EIF5A: variants seen among roughly 807,000 people sequenced by gnomAD.
EIF5A encodes eukaryotic translation initiation factor 5A.
EIF5A carries 1 observed loss-of-function variant against 16.6 expected under a neutral mutation model. The ratio of observed to expected loss-of-function variants is 0.06; its 90% CI spans 0.02 to 0.28. The LOEUF (loss-of-function observed/expected upper bound fraction) is 0.28, where lower values mean the gene tolerates loss of function less well. EIF5A is among the 10% of genes least tolerant of loss of function. EIF5A has a pLI of 1.00. For missense variants in EIF5A, 29 were observed against 196.1 expected (o/e 0.15, Z 5.09); for synonymous variants, 80 against 73.6 (o/e 1.09, Z -0.44).
chr17:7,310,927 T>C (rs1013483308), intron 2 of EIF5A, 91 bp from the exon 3 acceptor site: 7 of 1,486,186 alleles, frequency 4.7e-6, no homozygotes, highest in Non-Finnish European at 6.3e-6. Flanking sequence ...AATGTAATTC[T>C]GACTTCCCTC....
At chr17:7,308,422 AG>A (rs2072701318) in intron 1 of EIF5A, 1 of 1,299,770 alleles carries the variant, frequency 7.7e-7, no homozygotes, top group African/African-American at 1.5e-5. Flanking sequence ...GGGGGTTCCG[AG>A]GGGGCCTGAG....
Position 7,312,284 on chromosome 17 carries a change from TC to T in EIF5A, c.*478del, listed in dbSNP as rs1411888811. 1 of 185,224 alleles carries T rather than the reference TC, an allele frequency of 5.4e-6. No individual in the cohort carries two copies. The highest frequency in any genetic ancestry group is 1.3e-5 in the Non-Finnish European group (1 of 78,800). The allele number at this position is 185,224 out of a possible 1,614,324, so 11.5% of individuals were successfully genotyped here. A position where few individuals can be genotyped will look rare whatever the true frequency, so the allele number is the denominator to read the frequency against. On this transcript the variant is annotated 3_prime_UTR_variant, in exon 6 of 6. Coordinates refer to ENST00000336458, the MANE Select transcript of EIF5A (RefSeq NM_001970.5). ...CAGCCCCCTCGCCTGCCTGTGTCTC[TC>T]CCCAAACCCCTTTAGATGGGGAGGG...
upstream of EIF5A, chr17:7,307,582 G>A: frequency 2.0e-6 from 2 of 1,006,182 alleles, no homozygotes; most frequent in Non-Finnish European, 2.4e-6. Flanking sequence ...CGCTTGCGCG[G>A]CTGTCATAGG....
At chr17:7,308,406 C>T (rs2072700342) in intron 1 of EIF5A, 3 of 1,266,792 alleles carry the variant, frequency 2.4e-6, no homozygotes, top group Non-Finnish European at 3.1e-6. Flanking sequence ...GGGAGCTAGT[C>T]CTCGCGGGGG....
chr17:7,309,178 A>ACCC (rs1289193080), intron 1 of EIF5A, among the ~76,000 whole-genome samples: 10 of 119,670 alleles, frequency 8.4e-5, no homozygotes, highest in South Asian at 2.9e-4. Flanking sequence ...TCCGGTCTCC[A>ACCC]CCCTCCCCCC....
chr17:7,310,327 C>A (rs1413411679), intron 2 of EIF5A: 2 of 1,255,904 alleles, frequency 1.6e-6, no homozygotes, highest in African/African-American at 1.6e-5. Flanking sequence ...ATCCCACTCT[C>A]CTTGGGTTCC....
intron 1 of EIF5A, chr17:7,308,645 C>T: frequency 2.3e-6 from 3 of 1,304,616 alleles, no homozygotes; most frequent in Non-Finnish European, 3.0e-6. Flanking sequence ...AGGAGCCCAA[C>T]TTTTCTGTCG....
chr17:7,309,813 C>G lies in EIF5A; in HGVS notation c.165+13C>G. ...CGGCCACGCCAAGGTTAGAATTTCA[C>G]CTCCGCATCTTGCCTTCCCCATGCC... On this transcript the variant is annotated intron_variant, in intron 2 of 5. Coordinates refer to ENST00000336458, the MANE Select transcript of EIF5A (RefSeq NM_001970.5). 2.5e-6 allele frequency: 4 copies of G among 1,614,260 alleles called. No homozygotes were observed. Among genetic ancestry groups the G allele is most frequent in the Non-Finnish European group, 3.4e-6 (4 of 1,180,048 alleles).
At chr17:7,310,098 C>A (rs2072771610) in intron 2 of EIF5A, 1 of 1,380,598 alleles carries the variant, frequency 7.2e-7, no homozygotes, top group Non-Finnish European at 9.5e-7. Context: ...TTCAGTTGCT[C>A]CTTCCTTATT....
upstream of EIF5A, chr17:7,307,023 G>A: frequency 6.4e-7 from 1 of 1,574,666 alleles, no homozygotes; most frequent in Non-Finnish European, 8.6e-7. Flanking sequence ...CTAGAAGAGT[G>A]GGGCGGAAAG....
chr17:7,308,387 C>T (rs1011195457), intron 1 of EIF5A: 29 of 1,223,526 alleles, frequency 2.4e-5, no homozygotes, highest in South Asian at 1.9e-4. Flanking sequence ...GCCGGCAGCC[C>T]CTAGCGCGGG....
chr17:7,310,008 C>G (rs568687614), intron 2 of EIF5A: 2 of 1,521,650 alleles, frequency 1.3e-6, no homozygotes, highest in East Asian at 2.5e-5. Flanking sequence ...CTTCTGTCCC[C>G]GCATCATTCT....
At chr17:7,311,314 C>T (rs189082554) in intron 3 of EIF5A, 36 bp from the exon 4 acceptor site, 3 of 1,613,676 alleles carry the variant, frequency 1.9e-6, no homozygotes, top group East Asian at 2.2e-5. Flanking sequence ...CTCCCTGGGC[C>T]TACTACCTTC....
Position 7,312,170 on chromosome 17 carries a change from G to A in EIF5A, c.*360G>A, listed in dbSNP as rs970660635. On this transcript the variant is annotated 3_prime_UTR_variant, in exon 6 of 6. Coordinates refer to ENST00000336458, the MANE Select transcript of EIF5A (RefSeq NM_001970.5). ...CAGAAAGCGGTGGATTCTGGCAAATGGTCCTTGTGCCCTCCCCACTCATCC... is the reference window on the plus strand; with the variant it reads ...CAGAAAGCGGTGGATTCTGGCAAATAGTCCTTGTGCCCTCCCCACTCATCC... 4 of 163,238 alleles carry A rather than the reference G, an allele frequency of 2.5e-5. No homozygotes were observed. Among genetic ancestry groups the A allele is most frequent in the Non-Finnish European group, 1.4e-5 (1 of 70,962 alleles). The allele number at this position is 163,238 out of a possible 1,614,324, so 10.1% of individuals were successfully genotyped here. A position where few individuals can be genotyped will look rare whatever the true frequency, so the allele number is the denominator to read the frequency against.
At chr17:7,310,969 C>A (rs1415195677) in intron 2 of EIF5A, 49 bp from the exon 3 acceptor site, 7 of 1,566,422 alleles carry the variant, frequency 4.5e-6, no homozygotes, top group Non-Finnish European at 6.1e-6. Context: ...CCTTTATTTC[C>A]TCCGTTTTAG....
At chr17:7,310,971 C>A (rs1200258694) in intron 2 of EIF5A, 47 bp from the exon 3 acceptor site, 2 of 1,570,178 alleles carry the variant, frequency 1.3e-6, no homozygotes, top group Non-Finnish European at 1.7e-6. Flanking sequence ...TTTATTTCCT[C>A]CGTTTTAGAG....
rs1236828729 is a variant in EIF5A at position 7,307,649 on chromosome 17, AGCGGCGGCGGCGGTAGAG to A, written c.-111_-94del. Reference sequence around the variant, plus strand: ...CTGCGTACTAAGACCCGTGTGCAGCAGCGGCGGCGGCGGTAGAGGCGGCGGCGGCGGCGGCAGCGGGCT... The same window carrying A: ...CTGCGTACTAAGACCCGTGTGCAGCAGCGGCGGCGGCGGCGGCAGCGGGCT... On this transcript the variant is annotated 5_prime_UTR_variant, in exon 1 of 6. Coordinates refer to ENST00000336458, the MANE Select transcript of EIF5A (RefSeq NM_001970.5). 67 of 1,050,698 alleles carry A rather than the reference AGCGGCGGCGGCGGTAGAG, an allele frequency of 6.4e-5. No individual in the cohort carries two copies. In the South Asian group the frequency reaches 1.2e-3, roughly 18 times the overall value. 65.1% of individuals were successfully genotyped at this position (1,050,698 alleles called of 1,614,324 possible). A position where few individuals can be genotyped will look rare whatever the true frequency, so the allele number is the denominator to read the frequency against.
At chr17:7,311,250 A>G in intron 3 of EIF5A, 100 bp from the exon 4 acceptor site, 1 of 1,593,014 alleles carries the variant, frequency 6.3e-7, no homozygotes, top group South Asian at 1.1e-5. Context: ...GGTGTTTGGT[A>G]TTAGTTTGCT....
rs1446545894 is a variant in EIF5A, at chr17:7,307,667, G to A, written c.-107G>A. 3.9e-6 allele frequency: 4 copies of A among 1,037,418 alleles called. No individual in the cohort carries two copies. The highest frequency in any genetic ancestry group is 3.5e-5 in the African/African-American group (2 of 56,942). 64.3% of individuals were successfully genotyped at this position (1,037,418 alleles called of 1,614,324 possible). A position where few individuals can be genotyped will look rare whatever the true frequency, so the allele number is the denominator to read the frequency against. ...GTGCAGCAGCGGCGGCGGCGGTAGA[G>A]GCGGCGGCGGCGGCGGCAGCGGGCT... On this transcript the variant is annotated 5_prime_UTR_variant, in exon 1 of 6. Transcript: ENST00000336458.
Sources: gnomAD v4.1 joint callset for allele counts (sites outside exome capture counted in the v4.1 genomes callset) on GRCh38, gnomAD v4.1.1 for gene constraint, MANE v1.5 for transcripts, NCBI Gene and HGNC (gene_info 2026-07-23, HGNC 2026-07-21) for gene names.